The following GPRIN1 variants were observed in gnomAD, a reference collection of about 807,000 sequenced individuals.
The protein encoded by GPRIN1 is G protein-regulated inducer of neurite outgrowth 1.
A neutral mutation model predicts 2.8 loss-of-function variants in GPRIN1; 4 were observed. The ratio of observed to expected loss-of-function variants is 1.45; its 90% CI spans 0.71 to 3.32. The LOEUF is 3.32. Among genes scored for constraint, GPRIN1 ranks in the 30% most tolerant of loss-of-function variants. GPRIN1 has a pLI of 0.01. For synonymous variants in GPRIN1, 589 were observed against 589.9 expected, an observed-to-expected ratio of 1.00 and a Z score of 0.02; for missense variants, 1,322 against 1,343.4, an observed-to-expected ratio of 0.98 and a Z score of 0.25.
Position 176,597,462 on chromosome 5 carries a change from G to C in GPRIN1, c.2373C>G (p.Arg791=). 7.6e-7 allele frequency: 1 copy of C among 1,321,126 alleles called. No individual in the cohort carries two copies. The allele number at this position is 1,321,126 out of a possible 1,614,324, so 81.8% of individuals were successfully genotyped here. A position where few individuals can be genotyped will look rare whatever the true frequency, so the allele number is the denominator to read the frequency against. The part of the protein sequence containing the change: ...AAAPPPGPRT[R]DNFTKAPSWE... ...ACGACGGCGCCTTGGTGAAGTTGTC[G>C]CGAGTCCGCGGCCCCGGCGGGGGCG... The change falls in exon 2 of 2, where the codon CGC becomes CGG. Residue 791 remains arginine, a synonymous_variant. Coordinates refer to ENST00000303991, the MANE Select transcript of GPRIN1 (RefSeq NM_052899.3). The surrounding 1 kb of genome is among the most constrained non-coding windows in gnomAD (Gnocchi z 6.1).
intron 1 of GPRIN1, among the ~76,000 whole-genome samples, chr5:176,600,980 A>T (rs983759768): frequency 2.6e-5 from 4 of 152,206 alleles, no homozygotes; most frequent in African/African-American, 4.8e-5. Context: ...CCATCAGCCA[A>T]GTGCTATCCT....
At chr5:176,609,042 C>T (rs1309518690) in intron 1 of GPRIN1, among the ~76,000 whole-genome samples, 1 of 152,202 alleles carries the variant, frequency 6.6e-6, no homozygotes. Flanking sequence ...CAGAAACGGC[C>T]CTCAGACCAT....
rs1216372176 is a variant in GPRIN1, at chr5:176,598,649, C to T, written c.1186G>A (p.Ala396Thr). 1.2e-6 allele frequency: 2 copies of T among 1,614,164 alleles called. No homozygotes were observed. The highest frequency in any genetic ancestry group is 2.2e-5 in the East Asian group (1 of 44,886). ...GATGTGAGATCTGTCTTTGCTGAAGCCGTAGTATCCGTGTGGCCAGACACA... is the reference window on the plus strand; with the variant it reads ...GATGTGAGATCTGTCTTTGCTGAAGTCGTAGTATCCGTGTGGCCAGACACA... ...RPVSGHTDTT[A>T]SAKTDLTSLK... Residue 396 changes from alanine (A) to threonine (T), a missense_variant, in exon 2 of 2, where the codon GCT (alanine) becomes ACT (threonine). By Grantham distance (58) the Ala-to-Thr change is moderately conservative. Around this residue, in one of 3 missense-constraint regions of GPRIN1, gnomAD observed 1,117 missense variants for 1,128.6 expected, o/e 0.99. Coordinates refer to ENST00000303991, the MANE Select transcript of GPRIN1 (RefSeq NM_052899.3).
In GPRIN1 at chr5:176,597,324, G is replaced by T; in HGVS notation, c.2511C>A (p.Gly837=). ...SPMSPQDGAG[G]SAFSFQAAPR... ...GCGCCGCCTGGAAGCTGAAGGCCGA[G>T]CCCCCAGCGCCGTCCTGCGGAGACA... The change falls in exon 2 of 2, where the codon GGC becomes GGA. Residue 837 remains glycine (G), a synonymous_variant. Transcript: ENST00000303991. The surrounding 1 kb of genome is among the most constrained non-coding windows in gnomAD (Gnocchi z 6.1). 1 of 1,234,314 alleles carries T rather than the reference G, an allele frequency of 8.1e-7. No individual in the cohort carries two copies. The highest frequency in any genetic ancestry group is 1.0e-6 in the Non-Finnish European group (1 of 990,100). The allele number at this position is 1,234,314 out of a possible 1,614,324, so 76.5% of individuals were successfully genotyped here.
In GPRIN1 at chr5:176,604,455, G is replaced by T. The variant is rs551572447; in HGVS notation, c.-43-4578C>A. 1.2e-3 allele frequency among the ~76,000 whole-genome samples: 188 copies of T among 151,968 alleles called. 1 individual carries two copies. The highest frequency in any genetic ancestry group is 8.5e-3 in the South Asian group (41 of 4,808). On this transcript the variant is annotated intron_variant, in intron 1 of 1. Transcript: ENST00000303991. Reference sequence around the variant, plus strand: ...GGCTGGAGTGCAGTGGCGCGATCTCGGCTCACTGCAGCCTTGACCTCCTGG... The same window carrying T: ...GGCTGGAGTGCAGTGGCGCGATCTCTGCTCACTGCAGCCTTGACCTCCTGG...
At position 176,599,625 on chromosome 5, in the gene GPRIN1, T is replaced by A; in HGVS notation, c.210A>T (p.Arg70Ser). Reference protein sequence around the residue: ...TPDQSPGMESRHRSPSGAGEG... With the variant: ...TPDQSPGMESSHRSPSGAGEG... ...CCCCAGCCCCACTGGGGCTTCTGTG[T>A]CTAGACTCCATGCCTGGGCTTTGGT... Residue 70 changes from arginine to serine, a missense_variant, in exon 2 of 2, where the codon AGA becomes AGT. Physicochemically the swap from Arg to Ser is moderately radical, Grantham distance 110. Around this residue, in one of 3 missense-constraint regions of GPRIN1, gnomAD observed 1,117 missense variants for 1,128.6 expected, o/e 0.99. Coordinates refer to ENST00000303991, the MANE Select transcript of GPRIN1 (RefSeq NM_052899.3). 1 of 1,541,830 alleles carries A rather than the reference T, an allele frequency of 6.5e-7. No homozygotes were observed. Among genetic ancestry groups the A allele is most frequent in the Non-Finnish European group, 8.7e-7 (1 of 1,147,858 alleles).
At chr5:176,601,082 TA>T (rs74274465) in intron 1 of GPRIN1, among the ~76,000 whole-genome samples, 5,946 of 146,220 alleles carry the variant, frequency 0.041, 160 homozygotes, top group African/African-American at 0.077. Flanking sequence ...ATTAAAGGTT[TA>T]AAAAAAAAAA....
At chr5:176,601,518 G>T (rs1759147945) in intron 1 of GPRIN1, among the ~76,000 whole-genome samples, 1 of 152,126 alleles carries the variant, frequency 6.6e-6, no homozygotes, top group Non-Finnish European at 1.5e-5. Flanking sequence ...TACTGGCTAG[G>T]GTGAGGGCTG....
In GPRIN1 at chr5:176,596,985, G is replaced by A. The variant is rs746579785; in HGVS notation, c.2850C>T (p.Gly950=). 41 of 1,396,016 alleles carry A rather than the reference G, an allele frequency of 2.9e-5. No individual in the cohort carries two copies. In the East Asian group the frequency reaches 1.1e-3, roughly 37 times the overall value. The allele number at this position is 1,396,016 out of a possible 1,614,324, so 86.5% of individuals were successfully genotyped here. A position where few individuals can be genotyped will look rare whatever the true frequency, so the allele number is the denominator to read the frequency against. The change falls in exon 2 of 2, where the codon GGC becomes GGT. Residue 950 remains glycine (G), a synonymous_variant. Coordinates refer to ENST00000303991, the MANE Select transcript of GPRIN1 (RefSeq NM_052899.3). This position sits in a 1 kb window ranked among gnomAD's most constrained non-coding sequence, Gnocchi z 5.2. ...GCGGCGGCGCGGGCGCCCCTTGGCG[G>A]CCGTGCTCCTCGATCTGTCGCTCCA... ...KHLERQIEEH[G]RQGAPAPPPA...
At position 176,598,109 on chromosome 5, in the gene GPRIN1, C is replaced by T. The variant is rs1391671660; in HGVS notation, c.1726G>A (p.Val576Ile). The stretch of plus-strand genomic sequence containing the variant: ...GGGACTGTTTTTCCTGGAGTTGAGA[C>T]CACTTTACCTATAGACACAGAGTCC... ...QGDSVSIGKV[V>I]STPGKTVPVP... The change falls in exon 2 of 2, where the codon GTC becomes ATC. Residue 576 changes from valine (V) to isoleucine (I), a missense_variant. Transcript: ENST00000303991. 2 of 1,613,268 alleles carry T rather than the reference C, an allele frequency of 1.2e-6. No individual in the cohort carries two copies. The highest frequency in any genetic ancestry group is 2.2e-5 in the South Asian group (2 of 91,072).
At chr5:176,603,216 C>T (rs999265592) in intron 1 of GPRIN1, among the ~76,000 whole-genome samples, 1 of 152,110 alleles carries the variant, frequency 6.6e-6, no homozygotes, top group Non-Finnish European at 1.5e-5. Flanking sequence ...TCATTACCCA[C>T]TCCCACCCCC....
chr5:176,599,298 G>C lies in GPRIN1; in HGVS notation c.537C>G (p.Pro179=). The C allele has an allele frequency of 6.2e-7, 1 of 1,613,946 alleles. No individual in the cohort carries two copies. Among genetic ancestry groups the C allele is most frequent in the Non-Finnish European group, 8.5e-7 (1 of 1,179,976 alleles). Residue 179 remains proline (P), a synonymous_variant, in exon 2 of 2, where the codon CCC becomes CCG. Coordinates refer to ENST00000303991, the MANE Select transcript of GPRIN1 (RefSeq NM_052899.3). ...EDPGSSRKAD[P]MFTGKAEPEI... ...CAGGCTCTGCCTTTCCTGTAAACAT[G>C]GGATCTGCCTTCCGTGAGGACCCAG...
intron 1 of GPRIN1, among the ~76,000 whole-genome samples, chr5:176,605,659 T>TA (rs796910637): frequency 1.1e-3 from 153 of 143,028 alleles, no homozygotes; most frequent in South Asian, 2.7e-3. Context: ...AAATTAAAAT[T>TA]AAAAAAAAAA....
chr5:176,609,279 A>C (rs972652304), intron 1 of GPRIN1, among the ~76,000 whole-genome samples: 1 of 151,940 alleles, frequency 6.6e-6, no homozygotes, highest in Admixed American at 6.5e-5. Context: ...GTGATCAGGG[A>C]GTATTGTTGA....
intron 1 of GPRIN1, among the ~76,000 whole-genome samples, chr5:176,600,213 G>A (rs1396281430): frequency 1.3e-5 from 2 of 152,104 alleles, no homozygotes; most frequent in Non-Finnish European, 2.9e-5. Context: ...CGCAACCTCC[G>A]CCTCCTGGGT....
At position 176,597,329 on chromosome 5, in the gene GPRIN1, C is replaced by T; in HGVS notation, c.2506G>A (p.Gly836Arg). The part of the protein sequence containing the change: ...VSPMSPQDGA[G>R]GSAFSFQAAP... Reference sequence around the variant, plus strand: ...GCCTGGAAGCTGAAGGCCGAGCCCCCAGCGCCGTCCTGCGGAGACATGGGG... The same window carrying T: ...GCCTGGAAGCTGAAGGCCGAGCCCCTAGCGCCGTCCTGCGGAGACATGGGG... Residue 836 changes from glycine (G) to arginine (R), a missense_variant, in exon 2 of 2, where the codon GGG becomes AGG. Transcript: ENST00000303991. This position sits in a 1 kb window ranked among gnomAD's most constrained non-coding sequence, Gnocchi z 6.1. The T allele has an allele frequency of 8.1e-7, 1 of 1,241,878 alleles. No individual in the cohort carries two copies. Among genetic ancestry groups the T allele is most frequent in the Non-Finnish European group, 1.0e-6 (1 of 994,932 alleles). 76.9% of individuals were successfully genotyped at this position (1,241,878 alleles called of 1,614,324 possible).
At chr5:176,609,821 A>G (rs1049755308) in intron 1 of GPRIN1, among the ~76,000 whole-genome samples, 178 bp downstream of exon 1, 1 of 139,418 alleles carries the variant, frequency 7.2e-6, no homozygotes, top group Non-Finnish European at 1.6e-5. Context: ...GCCTGGAAAC[A>G]GACACCCACC....
In GPRIN1 at chr5:176,599,372, A is replaced by T. The variant is rs371681993; in HGVS notation, c.463T>A (p.Phe155Ile). The T allele has an allele frequency of 2.2e-4, 349 of 1,614,068 alleles. No homozygotes were observed. Among genetic ancestry groups the T allele is most frequent in the Non-Finnish European group, 2.9e-4 (342 of 1,180,024 alleles). ...RNPMFLEKMD[F>I]KSSKQADSTS... The stretch of plus-strand genomic sequence containing the variant: ...GAATCGGCCTGCTTTGAGGACTTGA[A>T]ATCCATCTTCTCTAAGAACATGGGA... The change falls in exon 2 of 2, where the codon TTC becomes ATC. Residue 155 changes from phenylalanine (F) to isoleucine (I), a missense_variant. This residue lies in a region of GPRIN1 where 1,117 missense variants were observed against 1,128.6 expected (regional missense o/e 0.99). Transcript: ENST00000303991.
rs563593490 is a variant in GPRIN1 at position 176,598,809 on chromosome 5, C to T, written c.1026G>A (p.Leu342=). ...CCAAGCATGTGGGATCCAGCCTTCC[C>T]AAGGACCCAGGAGCCCCGGTCCCAG... ...VSSGTGAPGS[L]GRLDPTCLGM... is the part of the protein sequence containing the mutation. Residue 342 remains leucine (L), a synonymous_variant, in exon 2 of 2, where the codon TTG becomes TTA. Transcript: ENST00000303991. The T allele has an allele frequency of 6.2e-7, 1 of 1,613,834 alleles. No homozygotes were observed. The highest frequency in any genetic ancestry group is 2.2e-5 in the East Asian group (1 of 44,876).
Sources: gnomAD v4.1 joint callset for allele counts (sites outside exome capture counted in the v4.1 genomes callset) on GRCh38, gnomAD v4.1.1 for gene constraint, gnomAD v4.1.1 regional missense constraint, Gnocchi (gnomAD v3.1) non-coding constraint, MANE v1.5 for transcripts, NCBI Gene and HGNC (gene_info 2026-07-23, HGNC 2026-07-21) for gene names.